The following ANKRD62 variants were observed in gnomAD, a reference collection of about 807,000 sequenced individuals.
ANKRD62 encodes ankyrin repeat domain-containing protein 62.
A neutral mutation model predicts 98.8 loss-of-function variants in ANKRD62; 61 were observed. The observed-to-expected ratio is 0.62, with a 90% CI of 0.50 to 0.76. ANKRD62 has a LOEUF of 0.76. ANKRD62 is among the 30% of genes least tolerant of loss of function. The pLI is 0.00. For synonymous variants in ANKRD62, 341 were observed against 367.9 expected (o/e 0.93, Z 0.84); for missense variants, 933 against 1,082.9 (o/e 0.86, Z 1.94).
At chr18:12,150,541 G>T in the ANKRD62 span, among the ~76,000 whole-genome samples, 1 of 152,104 alleles carries the variant, frequency 6.6e-6, no homozygotes, top group Non-Finnish European at 1.5e-5. Context: ...AATGTTAAAG[G>T]CAGCAAGAGG....
At chr18:12,123,218 CTTT>C (rs753649393) in intron 11 of ANKRD62, among the ~76,000 whole-genome samples, 2 of 141,850 alleles carry the variant, frequency 1.4e-5, no homozygotes. Context: ...TTTCTAATTT[CTTT>C]TTTTTTTTTT....
At chr18:12,107,531 T>G in intron 8 of ANKRD62, 64 bp downstream of exon 8, 1 of 1,246,680 alleles carries the variant, frequency 8.0e-7, no homozygotes, top group Non-Finnish European at 1.0e-6. Context: ...GAATTCTAAT[T>G]TGGGTTAATA....
chr18:12,176,048 C>G, the ANKRD62 span, among the ~76,000 whole-genome samples: 2 of 150,286 alleles, frequency 1.3e-5, 1 homozygote, highest in African/African-American at 5.0e-5. Flanking sequence ...AAAAATTGGC[C>G]GGGCATGGTG....
At chr18:12,103,439 G>A (rs1011371934) in intron 7 of ANKRD62, among the ~76,000 whole-genome samples, 1 of 152,058 alleles carries the variant, frequency 6.6e-6, no homozygotes, top group African/African-American at 2.4e-5. Context: ...GAGGCAAAAA[G>A]TTCCTGAGTA....
At chr18:12,165,715 G>T in the ANKRD62 span, among the ~76,000 whole-genome samples, 1 of 151,972 alleles carries the variant, frequency 6.6e-6, no homozygotes, top group Non-Finnish European at 1.5e-5. Flanking sequence ...TATTCTGGGG[G>T]TTTTGTGTGT....
intron 13 of ANKRD62, 116 bp downstream of exon 13, chr18:12,126,499 G>A (rs1338495065): frequency 7.8e-6 from 8 of 1,024,820 alleles, no homozygotes; most frequent in South Asian, 1.8e-5. Flanking sequence ...CATGATAAAC[G>A]GTTCTGCTAT....
At chr18:12,109,708 C>A (rs558819174) in intron 8 of ANKRD62, among the ~76,000 whole-genome samples, 5 of 151,984 alleles carry the variant, frequency 3.3e-5, no homozygotes, top group African/African-American at 1.2e-4. Flanking sequence ...TAAACGTTAT[C>A]GAAGTATATC....
rs1441414108 is a variant in ANKRD62, at chr18:12,115,497, T to C, written c.1203T>C (p.Phe401=). The change falls in exon 10 of 14, where the codon TTT becomes TTC. Residue 401 remains phenylalanine, a synonymous_variant. Transcript: ENST00000587848. ...TGCCTTACTCTGATGATGAGAATTT[T>C]ATGTTACTCATTGAACAAAGTGGAA... The part of the protein sequence containing the change: ...DELPYSDDEN[F]MLLIEQSGME... 6.5e-7 allele frequency: 1 copy of C among 1,537,742 alleles called. No individual in the cohort carries two copies. The highest frequency in any genetic ancestry group is 2.0e-5 in the Admixed American group (1 of 50,976).
At chr18:12,135,046 C>CT in the ANKRD62 span, among the ~76,000 whole-genome samples, 69 of 145,446 alleles carry the variant, frequency 4.7e-4, no homozygotes, top group Non-Finnish European at 3.2e-4. Flanking sequence ...TGTTTCCTGA[C>CT]TTTTTTTTTT....
At chr18:12,103,334 T>A in intron 7 of ANKRD62, 106 bp downstream of exon 7, 1 of 575,626 alleles carries the variant, frequency 1.7e-6, no homozygotes, top group Non-Finnish European at 2.6e-6. Context: ...GAATGTAATT[T>A]AATAGTTAAT....
At chr18:12,102,269 A>G (rs1446185992) in intron 6 of ANKRD62, 4 of 756,990 alleles carry the variant, frequency 5.3e-6, no homozygotes, top group Non-Finnish European at 9.9e-6. Flanking sequence ...CGACCCTCTC[A>G]CTAGTCCAGT....
the ANKRD62 span, among the ~76,000 whole-genome samples, chr18:12,152,090 A>G: frequency 2.6e-5 from 4 of 151,162 alleles, no homozygotes; most frequent in African/African-American, 9.7e-5. Flanking sequence ...ACCAAAAAAA[A>G]AAAAAGGCCC....
the ANKRD62 span, among the ~76,000 whole-genome samples, chr18:12,138,508 A>T: frequency 7.2e-5 from 11 of 152,298 alleles, no homozygotes; most frequent in Admixed American, 3.3e-4. Flanking sequence ...GGTGCTGGAA[A>T]GAATGTATAT....
At chr18:12,167,695 C>T in the ANKRD62 span, among the ~76,000 whole-genome samples, 1 of 152,108 alleles carries the variant, frequency 6.6e-6, no homozygotes, top group Non-Finnish European at 1.5e-5. Flanking sequence ...GTTCTAGATC[C>T]TTGAGGAATC....
the ANKRD62 span, among the ~76,000 whole-genome samples, chr18:12,164,672 T>C: frequency 1.3e-5 from 2 of 152,002 alleles, no homozygotes; most frequent in Non-Finnish European, 2.9e-5. Context: ...TAGGTTTTAA[T>C]ATGTTATGTT....
Position 12,127,774 on chromosome 18 carries a change from A to G in ANKRD62, c.2589A>G (p.Glu863=). The G allele has an allele frequency of 6.9e-7, 1 of 1,448,682 alleles. No individual in the cohort carries two copies. The highest frequency in any genetic ancestry group is 9.0e-7 in the Non-Finnish European group (1 of 1,107,754). The allele number at this position is 1,448,682 out of a possible 1,614,324, so 89.7% of individuals were successfully genotyped here. The change falls in exon 14 of 14, where the codon GAA becomes GAG. Residue 863 remains glutamate (E), a synonymous_variant. Coordinates refer to ENST00000587848, the MANE Select transcript of ANKRD62 (RefSeq NM_001277333.2). The part of the protein sequence containing the change: ...REVVRRQLQR[E]VDDALNKQLL... The stretch of plus-strand genomic sequence containing the variant: ...TAGTCAGGAGACAGCTTCAACGAGA[A>G]GTGGATGATGCCCTGAACAAACAAT...
the ANKRD62 span, among the ~76,000 whole-genome samples, chr18:12,181,361 T>A: frequency 1.3e-5 from 2 of 152,242 alleles, no homozygotes; most frequent in Non-Finnish European, 2.9e-5. Flanking sequence ...CGGAAATTCA[T>A]GGAATAACAT....
At chr18:12,117,820 T>C (rs1031622505) in intron 10 of ANKRD62, among the ~76,000 whole-genome samples, 1 of 152,234 alleles carries the variant, frequency 6.6e-6, no homozygotes, top group Non-Finnish European at 1.5e-5. Context: ...ACCCCATTTG[T>C]TTATGATGTA....
the ANKRD62 span, among the ~76,000 whole-genome samples, chr18:12,167,220 T>A: frequency 6.6e-6 from 1 of 152,122 alleles, no homozygotes; most frequent in African/African-American, 2.4e-5. Flanking sequence ...TGTGCCGTGT[T>A]GGTTTGCTGC....
Sources: gnomAD v4.1 joint callset for allele counts (sites outside exome capture counted in the v4.1 genomes callset) on GRCh38, gnomAD v4.1.1 for gene constraint, MANE v1.5 for transcripts, NCBI Gene and HGNC (gene_info 2026-07-23, HGNC 2026-07-21) for gene names.